C10orf90: variants seen among roughly 807,000 people sequenced by gnomAD.
The protein encoded by C10orf90 is chromosome 10 open reading frame 90.
C10orf90 carries 56 observed loss-of-function variants against 62.5 expected under a neutral mutation model. The observed-to-expected ratio is 0.90, with a 90% CI of 0.72 to 1.12. The LOEUF (loss-of-function observed/expected upper bound fraction) is 1.12. C10orf90 is among the 50% of genes most tolerant of loss of function. C10orf90 has a pLI of 0.00. For missense variants in C10orf90, 970 were observed against 880.4 expected (o/e 1.10, Z -1.29); for synonymous variants, 386 against 340.4 (o/e 1.13, Z -1.47).
intron 2 of C10orf90, among the ~76,000 whole-genome samples, chr10:126,538,952 A>G (rs1864310425): frequency 6.6e-6 from 1 of 152,254 alleles, no homozygotes. Flanking sequence ...ATGCCAGCTG[A>G]GCTGGAGCCA....
At chr10:126,663,759 G>A (rs1403433346) in intron 1 of C10orf90, among the ~76,000 whole-genome samples, 3 of 152,086 alleles carry the variant, frequency 2.0e-5, no homozygotes, top group African/African-American at 7.2e-5. Context: ...CAGATCATGG[G>A]TTCAGAACTG....
chr10:126,617,360 C>G, intron 2 of C10orf90, among the ~76,000 whole-genome samples: 1 of 152,170 alleles, frequency 6.6e-6, no homozygotes, highest in Admixed American at 6.5e-5. Context: ...AGAATGAACA[C>G]CACAGCCTGT....
chr10:126,601,852 G>A (rs759325661), intron 2 of C10orf90, among the ~76,000 whole-genome samples: 2 of 152,268 alleles, frequency 1.3e-5, no homozygotes, highest in Non-Finnish European at 2.9e-5. Context: ...TGCCCTGCCT[G>A]TGCTTGCCCA....
At chr10:126,444,963 G>A (rs1460589451) in intron 7 of C10orf90, among the ~76,000 whole-genome samples, 1 of 152,024 alleles carries the variant, frequency 6.6e-6, no homozygotes, top group East Asian at 1.9e-4. Flanking sequence ...TAATTGGCTA[G>A]CAACATGTAG....
At chr10:126,563,238 A>C (rs1864943047) in intron 2 of C10orf90, among the ~76,000 whole-genome samples, 1 of 152,156 alleles carries the variant, frequency 6.6e-6, no homozygotes, top group Admixed American at 6.5e-5. Flanking sequence ...GGGGCTAAAG[A>C]GGGGCCACTC....
chr10:126,472,223 A>G (rs1166563690), intron 4 of C10orf90, among the ~76,000 whole-genome samples: 1 of 152,202 alleles, frequency 6.6e-6, no homozygotes, highest in African/African-American at 2.4e-5. Flanking sequence ...TCATTAAGAC[A>G]TTTCCATTTA....
chr10:126,494,798 G>T (rs1176266723), intron 4 of C10orf90, among the ~76,000 whole-genome samples: 1 of 152,208 alleles, frequency 6.6e-6, no homozygotes, highest in East Asian at 1.9e-4. Flanking sequence ...TTTATTTCAA[G>T]AACTGGATTA....
At chr10:126,643,797 A>G (rs553625364) in intron 2 of C10orf90, among the ~76,000 whole-genome samples, 1 of 152,210 alleles carries the variant, frequency 6.6e-6, no homozygotes, top group Non-Finnish European at 1.5e-5. Context: ...AAAGCCACTG[A>G]GAGGGCTAAG....
In C10orf90 at chr10:126,453,297, C is replaced by G. The variant is rs992317912; in HGVS notation, c.2188+5743G>C. ...GTGATTTGGTGTGGAGTATGCCCACCAGCTCTTACAATCTAGAAGGTTTTC... is the reference window on the plus strand; with the variant it reads ...GTGATTTGGTGTGGAGTATGCCCACGAGCTCTTACAATCTAGAAGGTTTTC... On this transcript the variant is annotated intron_variant, in intron 7 of 9. Transcript: ENST00000488181. This position sits in a 1 kb window ranked among gnomAD's most constrained non-coding sequence, Gnocchi z 4.9. Among the ~76,000 whole-genome samples, 7 of 152,162 alleles carry G rather than the reference C, an allele frequency of 4.6e-5. No individual in the cohort carries two copies. Among genetic ancestry groups the G allele is most frequent in the Admixed American group, 3.3e-4 (5 of 15,270 alleles).
In C10orf90 at chr10:126,467,382, G is replaced by A. The variant is rs192818628; in HGVS notation, c.1535-2396C>T. 5.9e-3 allele frequency among the ~76,000 whole-genome samples: 892 copies of A among 152,292 alleles called. 1 individual carries two copies. The highest frequency in any genetic ancestry group is 9.8e-3 in the Non-Finnish European group (668 of 68,026). On this transcript the variant is annotated intron_variant, in intron 4 of 9. Coordinates refer to ENST00000488181, the MANE Select transcript of C10orf90 (RefSeq NM_001350921.2). Reference sequence around the variant, plus strand: ...TGCAGTCACCCTCAGGTGGGCCCTCGCAGGACAAGGCGGCATGTGTGCTCT... The same window carrying A: ...TGCAGTCACCCTCAGGTGGGCCCTCACAGGACAAGGCGGCATGTGTGCTCT...
At chr10:126,592,424 C>A (rs2134029688) in intron 2 of C10orf90, among the ~76,000 whole-genome samples, 1 of 152,206 alleles carries the variant, frequency 6.6e-6, no homozygotes, top group South Asian at 2.1e-4. Context: ...GAAAACCTGA[C>A]AAAAACAAGC....
intron 2 of C10orf90, among the ~76,000 whole-genome samples, chr10:126,619,912 CG>C: frequency 6.6e-6 from 1 of 152,068 alleles, no homozygotes; most frequent in Non-Finnish European, 1.5e-5. Context: ...AGATTGCAGG[CG>C]TGAACCACTG....
At chr10:126,571,474 C>G (rs891055766) in intron 2 of C10orf90, among the ~76,000 whole-genome samples, 1 of 152,348 alleles carries the variant, frequency 6.6e-6, no homozygotes, top group East Asian at 1.9e-4. Flanking sequence ...TTACCTGTTG[C>G]TCTGCCACTG....
At chr10:126,580,004 C>A (rs1022545075) in intron 2 of C10orf90, among the ~76,000 whole-genome samples, 1 of 152,146 alleles carries the variant, frequency 6.6e-6, no homozygotes, top group Non-Finnish European at 1.5e-5. Flanking sequence ...ATGATTTTCA[C>A]CCACAAAGTG....
At chr10:126,612,699 C>G (rs140065239) in intron 2 of C10orf90, among the ~76,000 whole-genome samples, 7 of 152,290 alleles carry the variant, frequency 4.6e-5, no homozygotes, top group African/African-American at 1.7e-4. Flanking sequence ...GCTATGATTT[C>G]CACTCCTCGG....
chr10:126,605,105 C>G (rs758945408), intron 2 of C10orf90, among the ~76,000 whole-genome samples: 5 of 152,216 alleles, frequency 3.3e-5, no homozygotes, highest in Non-Finnish European at 5.9e-5. Flanking sequence ...ATTTAATGGC[C>G]ATTTTAAACT....
chr10:126,435,810 CGTG>C (rs1419975023), intron 7 of C10orf90, among the ~76,000 whole-genome samples: 1 of 152,064 alleles, frequency 6.6e-6, no homozygotes, highest in African/African-American at 2.4e-5. Context: ...TGATTCTAGA[CGTG>C]GTTTACAGCT....
chr10:126,651,260 A>G (rs915355655), intron 1 of C10orf90, among the ~76,000 whole-genome samples: 9 of 152,160 alleles, frequency 5.9e-5, no homozygotes, highest in Non-Finnish European at 1.2e-4. Flanking sequence ...CAATGCTAAC[A>G]TGCATAAAGC....
chr10:126,429,283 G>T (rs934717830), intron 8 of C10orf90, among the ~76,000 whole-genome samples: 3 of 152,124 alleles, frequency 2.0e-5, no homozygotes, highest in Non-Finnish European at 1.5e-5. Flanking sequence ...TGGCCGCCAG[G>T]TCTGCTGGAG....
Sources: allele counts gnomAD v4.1 joint callset (sites outside exome capture counted in the v4.1 genomes callset), GRCh38; gene constraint gnomAD v4.1.1; non-coding constraint Gnocchi (gnomAD v3.1); transcripts MANE v1.5; gene names NCBI Gene and HGNC (gene_info 2026-07-23, HGNC 2026-07-21).